Variants in EXD3 observed in about 807,000 individuals in gnomAD.
The protein encoded by EXD3 is exonuclease mut-7 homolog.
A neutral mutation model predicts 98.0 loss-of-function variants in EXD3; 92 were observed. The observed-to-expected ratio is 0.94, with a 90% CI of 0.79 to 1.12. The LOEUF (loss-of-function observed/expected upper bound fraction) is 1.12, where lower values mean the gene tolerates loss of function less well. Ranked by LOEUF, EXD3 falls within the 50% of genes most tolerant of loss-of-function variation. The pLI, the probability that EXD3 is intolerant of heterozygous loss-of-function variation, is 0.00. For missense variants in EXD3, 1,222 were observed against 1,191.6 expected, an observed-to-expected ratio of 1.03 and a Z score of -0.38; for synonymous variants, 569 against 526.0, an observed-to-expected ratio of 1.08 and a Z score of -1.12.
intron 1 of EXD3, among the ~76,000 whole-genome samples, chr9:137,420,779 G>A (rs1307276293): frequency 7.0e-6 from 1 of 143,120 alleles, no homozygotes; most frequent in Non-Finnish European, 1.5e-5. Context: ...CATACACTGT[G>A]ATGGGGAGCC....
At chr9:137,356,976 T>C (rs1324861237) in intron 7 of EXD3, among the ~76,000 whole-genome samples, 1 of 152,192 alleles carries the variant, frequency 6.6e-6, no homozygotes, top group East Asian at 1.9e-4. Flanking sequence ...GGGGTATTTT[T>C]GGAGATGTGC....
chr9:137,351,885 C>T (rs562739330), intron 12 of EXD3, among the ~76,000 whole-genome samples, 181 bp downstream of exon 12: 3 of 152,348 alleles, frequency 2.0e-5, no homozygotes, highest in African/African-American at 7.2e-5. Context: ...CAGCAGCCAG[C>T]ATCCTGGAGT....
In EXD3 at chr9:137,348,936, G is replaced by A. The variant is rs188266695; in HGVS notation, c.1830+174C>T. ...GACCCCCCAGGCAAGCGCAGCCCCC[G>A]TGACAGTCATGCAGGAGGTTCACCA... On this transcript the variant is annotated intron_variant, in intron 16 of 21. Coordinates refer to ENST00000340951, the MANE Select transcript of EXD3 (RefSeq NM_017820.5). 5.9e-5 allele frequency among the ~76,000 whole-genome samples: 9 copies of A among 152,118 alleles called. No individual in the cohort carries two copies. The South Asian group carries it at 1.0e-3, about 18-fold the overall frequency.
chr9:137,349,981 G>A lies in EXD3; in HGVS notation c.1495-450C>T, dbSNP rs1323872725. Among the ~76,000 whole-genome samples the A allele has an allele frequency of 5.3e-5, 8 of 151,674 alleles. No homozygotes were observed. The East Asian group carries it at 5.9e-4, about 11-fold the overall frequency. On this transcript the variant is annotated intron_variant, in intron 14 of 21. Transcript: ENST00000340951. The surrounding 1 kb of genome is among the most constrained non-coding windows in gnomAD (Gnocchi z 7.4). Reference sequence around the variant, plus strand: ...GCTCCACGTGTGTGTCTGGGGTGGCGTGTGTGCCCAGAGAGGGGTGGGGAT... The same window carrying A: ...GCTCCACGTGTGTGTCTGGGGTGGCATGTGTGCCCAGAGAGGGGTGGGGAT...
intron 3 of EXD3, among the ~76,000 whole-genome samples, chr9:137,377,678 G>A (rs977536874): frequency 1.3e-5 from 2 of 150,876 alleles, no homozygotes; most frequent in Non-Finnish European, 1.5e-5. Flanking sequence ...CTGAGATTGC[G>A]CCACTGCACT....
At chr9:137,338,087 A>T (rs565311432) in intron 17 of EXD3, among the ~76,000 whole-genome samples, 1 of 152,312 alleles carries the variant, frequency 6.6e-6, no homozygotes, top group South Asian at 2.1e-4. Flanking sequence ...GTGCCCAGCC[A>T]ATACCATGTA....
rs1354234672 is a variant in EXD3 at position 137,355,381 on chromosome 9, A to G, written c.758-608T>C. On this transcript the variant is annotated intron_variant, in intron 8 of 21. Coordinates refer to ENST00000340951, the MANE Select transcript of EXD3 (RefSeq NM_017820.5). ...CACCCCCCACGCCCAGAGCGCAGCCACGGGGAGCCGGGCGACCATCTGCCC... is the reference window on the plus strand; with the variant it reads ...CACCCCCCACGCCCAGAGCGCAGCCGCGGGGAGCCGGGCGACCATCTGCCC... Among the ~76,000 whole-genome samples the G allele has an allele frequency of 4.0e-5, 6 of 150,304 alleles. 1 individual carries two copies. Among genetic ancestry groups the G allele is most frequent in the Non-Finnish European group, 7.4e-5 (5 of 67,504 alleles).
At chr9:137,308,878 C>G (rs959747662) in intron 20 of EXD3, among the ~76,000 whole-genome samples, 1 of 152,170 alleles carries the variant, frequency 6.6e-6, no homozygotes, top group Non-Finnish European at 1.5e-5. Context: ...ATCTCCTGAT[C>G]TTGTGATCTG....
At chr9:137,378,962 A>G (rs377297342) in intron 3 of EXD3, among the ~76,000 whole-genome samples, 162 of 40,070 alleles carry the variant, frequency 4.0e-3, no homozygotes, top group Middle Eastern at 0.016. Flanking sequence ...GACGGTGACC[A>G]TTGCCTGGGG....
At chr9:137,319,425 G>A (rs892484000) in intron 19 of EXD3, among the ~76,000 whole-genome samples, 1 of 152,218 alleles carries the variant, frequency 6.6e-6, no homozygotes. Context: ...GGCAGCCAGT[G>A]TGTGGGGTGG....
chr9:137,307,066 A>C lies in EXD3; in HGVS notation c.2515T>G (p.Phe839Val). The C allele has an allele frequency of 6.2e-7, 1 of 1,611,978 alleles. No individual in the cohort carries two copies. The change falls in exon 22 of 22, where the codon TTC becomes GTC. Residue 839 changes from phenylalanine (F) to valine (V), a missense_variant. Physicochemically the swap from Phe to Val is conservative, Grantham distance 50. Coordinates refer to ENST00000340951, the MANE Select transcript of EXD3 (RefSeq NM_017820.5). ...FYCCTGCGKV[F>V]WDGSHLGRVA... ...CGACCCAGGTGGGAGCCGTCCCAGA[A>C]GACCTTTCCACAGCCCGTGCAGCAG...
chr9:137,375,786 G>A (rs772478770), intron 3 of EXD3, among the ~76,000 whole-genome samples: 2 of 152,138 alleles, frequency 1.3e-5, no homozygotes, highest in Admixed American at 6.6e-5. Flanking sequence ...TCACTTTGCC[G>A]GGACACGTGG....
In EXD3 at chr9:137,349,428, G is replaced by A. The variant is rs35097575; in HGVS notation, c.1598C>T (p.Thr533Met). 76,375 of 1,600,154 alleles carry A rather than the reference G, an allele frequency of 0.048. 2,088 individuals carry two copies. Among genetic ancestry groups the A allele is most frequent in the Non-Finnish European group, 0.055 (64,671 of 1,177,152 alleles). The change falls in exon 15 of 22, where the codon ACG becomes ATG. Residue 533 changes from threonine (T) to methionine (M), a missense_variant. Physicochemically the swap from Thr to Met is moderately conservative, Grantham distance 81. Coordinates refer to ENST00000340951, the MANE Select transcript of EXD3 (RefSeq NM_017820.5). This position sits in a 1 kb window ranked among gnomAD's most constrained non-coding sequence, Gnocchi z 7.4. ...QQVLGTALDK[T>M]QQLSNWDRRP... is the part of the protein sequence containing the mutation. ...CCGGTCCCAGTTGGACAGCTGCTGC[G>A]TCTTGTCCAGGGCTGTGCCCAGCAC...
At position 137,351,483 on chromosome 9, in the gene EXD3, C is replaced by A; in HGVS notation, c.1219G>T (p.Val407Phe). The A allele has an allele frequency of 2.5e-6, 4 of 1,599,040 alleles. No individual in the cohort carries two copies. The highest frequency in any genetic ancestry group is 3.4e-6 in the Non-Finnish European group (4 of 1,174,228). Reference protein sequence around the residue: ...GVDVEWTPVFVAGGRPRPSLL... With the variant: ...GVDVEWTPVFFAGGRPRPSLL... ...GACGGCCGAGGCCGGCCCCCAGCAA[C>A]AAACACAGGTGTCCACTCCACGTCT... The change falls in exon 13 of 22, where the codon GTT (valine) becomes TTT (phenylalanine). Residue 407 changes from valine to phenylalanine, a missense_variant. Physicochemically the swap from Val to Phe is conservative, Grantham distance 50. Coordinates refer to ENST00000340951, the MANE Select transcript of EXD3 (RefSeq NM_017820.5).
At chr9:137,394,036 G>A (rs930614053) in intron 2 of EXD3, among the ~76,000 whole-genome samples, 14 of 152,182 alleles carry the variant, frequency 9.2e-5, no homozygotes, top group African/African-American at 3.4e-4. Context: ...TCCCGCCCCA[G>A]CCCGTCCCCG....
intron 19 of EXD3, among the ~76,000 whole-genome samples, chr9:137,314,619 C>T (rs1176036094): frequency 6.6e-6 from 1 of 152,148 alleles, no homozygotes; most frequent in Non-Finnish European, 1.5e-5. Flanking sequence ...TCCCCCCGCC[C>T]CCAGGGCCCC....
intron 14 of EXD3, among the ~76,000 whole-genome samples, chr9:137,350,710 G>A (rs1355735527): frequency 6.6e-6 from 1 of 151,812 alleles, no homozygotes; most frequent in Admixed American, 6.6e-5. Context: ...GGGATCACGG[G>A]GAGGGGGCTA....
At chr9:137,378,021 C>T (rs1159881428) in intron 3 of EXD3, among the ~76,000 whole-genome samples, 1 of 151,612 alleles carries the variant, frequency 6.6e-6, no homozygotes, top group Non-Finnish European at 1.5e-5. Context: ...TCTCAAACTC[C>T]TGACCTCGTG....
chr9:137,315,378 C>CCCACCG (rs1263718474), intron 19 of EXD3, among the ~76,000 whole-genome samples: 1 of 152,232 alleles, frequency 6.6e-6, no homozygotes, highest in Non-Finnish European at 1.5e-5. Context: ...AGCCTGCACC[C>CCCACCG]CCACCGCCAC....
Sources: allele counts gnomAD v4.1 joint callset (sites outside exome capture counted in the v4.1 genomes callset), GRCh38; gene constraint gnomAD v4.1.1; non-coding constraint Gnocchi (gnomAD v3.1); transcripts MANE v1.5; gene names NCBI Gene and HGNC (gene_info 2026-07-23, HGNC 2026-07-21).